Variants in CHN1 observed in about 807,000 individuals in gnomAD.
CHN1 encodes the protein chimerin 1.
A neutral mutation model predicts 59.5 loss-of-function variants in CHN1; 37 were observed. The ratio of observed to expected loss-of-function variants is 0.62; its 90% confidence interval spans 0.48 to 0.82. The LOEUF is 0.82. CHN1 is among the 40% of genes least tolerant of loss of function. The probability of loss-of-function intolerance (pLI) is 0.00; values close to 1 mark genes in which losing one functional copy is unlikely to be tolerated. For missense variants in CHN1, 469 were observed against 571.0 expected (o/e 0.82, Z 1.82); for synonymous variants, 206 against 200.4 (o/e 1.03, Z -0.24).
At chr2:174,952,248 T>A (rs1021635977) in intron 1 of CHN1, 46 bp from the exon 2 acceptor site, 6 of 1,102,790 alleles carry the variant, frequency 5.4e-6, no homozygotes, top group Non-Finnish European at 7.6e-6. Context: ...ATTTAAATTT[T>A]AAATGAGACA....
At position 174,824,525 on chromosome 2, in the gene CHN1, A is replaced by G; in HGVS notation, c.628-7T>C. 6.3e-7 allele frequency: 1 copy of G among 1,583,114 alleles called. No individual in the cohort carries two copies. Among genetic ancestry groups the G allele is most frequent in the Non-Finnish European group, 8.6e-7 (1 of 1,164,774 alleles). On this transcript the variant is annotated splice_polypyrimidine_tract_variant and splice_region_variant and intron_variant, in intron 7 of 12. Coordinates refer to ENST00000409900, the MANE Select transcript of CHN1 (RefSeq NM_001822.7). Reference sequence around the variant, plus strand: ...GCCCTCTGAATGTATGCACCTGAAAAAAAAAAAGAGGGGCAAAGTCAGGAA... The same window carrying G: ...GCCCTCTGAATGTATGCACCTGAAAGAAAAAAAGAGGGGCAAAGTCAGGAA...
At chr2:174,983,837 T>C (rs1691245220) in intron 1 of CHN1, among the ~76,000 whole-genome samples, 1 of 151,778 alleles carries the variant, frequency 6.6e-6, no homozygotes, top group Admixed American at 6.6e-5. Flanking sequence ...TAAAAATAAA[T>C]AAATAAATAA....
At chr2:174,933,550 G>C (rs1274015294) in intron 3 of CHN1, among the ~76,000 whole-genome samples, 2 of 152,122 alleles carry the variant, frequency 1.3e-5, no homozygotes. Context: ...AAGCAGTTCT[G>C]CTTGGAGTGG....
intron 5 of CHN1, among the ~76,000 whole-genome samples, chr2:174,885,469 T>C (rs1687869344): frequency 6.6e-6 from 1 of 152,034 alleles, no homozygotes; most frequent in Non-Finnish European, 1.5e-5. Context: ...CTTTTTCTAT[T>C]GACATTTGGG....
chr2:174,921,933 T>C (rs1003485145), intron 3 of CHN1, among the ~76,000 whole-genome samples: 3 of 152,160 alleles, frequency 2.0e-5, no homozygotes, highest in African/African-American at 7.2e-5. Flanking sequence ...CCAAACCATA[T>C]CATATACTTA....
At chr2:175,004,630 T>C (rs1168226808) in intron 1 of CHN1, among the ~76,000 whole-genome samples, 1 of 152,168 alleles carries the variant, frequency 6.6e-6, no homozygotes, top group East Asian at 1.9e-4. Flanking sequence ...CTTTGTGCGT[T>C]TGCAAAACAC....
intron 3 of CHN1, among the ~76,000 whole-genome samples, chr2:174,939,711 T>G (rs1344317839): frequency 6.6e-6 from 1 of 152,204 alleles, no homozygotes; most frequent in African/African-American, 2.4e-5. Flanking sequence ...AAATAGCATT[T>G]TTAAAATTCC....
intron 1 of CHN1, among the ~76,000 whole-genome samples, chr2:174,963,080 T>C (rs1690469494): frequency 6.6e-6 from 1 of 152,198 alleles, no homozygotes; most frequent in South Asian, 2.1e-4. Context: ...ATATCAGTTA[T>C]GCTGGCACAC....
At chr2:174,832,246 CT>C (rs1195929911) in intron 7 of CHN1, among the ~76,000 whole-genome samples, 1 of 151,978 alleles carries the variant, frequency 6.6e-6, no homozygotes, top group Non-Finnish European at 1.5e-5. Context: ...AGTTAAAACC[CT>C]TTTTAAAATC....
At chr2:174,901,497 G>A (rs990086206) in intron 5 of CHN1, among the ~76,000 whole-genome samples, 5 of 152,148 alleles carry the variant, frequency 3.3e-5, no homozygotes, top group African/African-American at 1.2e-4. Flanking sequence ...TATCTCCCTT[G>A]CTTTCCTTCC....
At chr2:174,947,222 T>C (rs1249555381) in intron 2 of CHN1, among the ~76,000 whole-genome samples, 1 of 152,238 alleles carries the variant, frequency 6.6e-6, no homozygotes, top group South Asian at 2.1e-4. Flanking sequence ...GATGAGCCAC[T>C]ATGAAAAAAA....
At chr2:174,908,507 T>G (rs1688602379) in intron 5 of CHN1, among the ~76,000 whole-genome samples, 1 of 152,150 alleles carries the variant, frequency 6.6e-6, no homozygotes, top group Non-Finnish European at 1.5e-5. Context: ...GCACACTAAG[T>G]GCTAAAATTT....
intron 12 of CHN1, 126 bp from the exon 13 acceptor site, chr2:174,800,413 T>A: frequency 1.6e-6 from 1 of 612,636 alleles, no homozygotes; most frequent in Non-Finnish European, 2.6e-6. Flanking sequence ...TTCCACTAGG[T>A]TATTTCTCTG....
At chr2:174,895,016 G>A (rs1688167791) in intron 5 of CHN1, among the ~76,000 whole-genome samples, 1 of 149,268 alleles carries the variant, frequency 6.7e-6, no homozygotes, top group Non-Finnish European at 1.5e-5. Context: ...ATTATCAGCT[G>A]GAAAAACATA....
At chr2:174,858,734 A>G (rs571470335) in intron 6 of CHN1, among the ~76,000 whole-genome samples, 2 of 152,176 alleles carry the variant, frequency 1.3e-5, no homozygotes, top group South Asian at 4.1e-4. Flanking sequence ...TCTTCATATA[A>G]GAGATAGTCA....
At position 174,977,427 on chromosome 2, in the gene CHN1, A is replaced by G. The variant is rs189194592; in HGVS notation, c.20-25225T>C. Among the ~76,000 whole-genome samples, 425 of 152,380 alleles carry G rather than the reference A, an allele frequency of 2.8e-3. 1 individual carries two copies. Among genetic ancestry groups the G allele is most frequent in the African/African-American group, 9.6e-3 (400 of 41,590 alleles). On this transcript the variant is annotated intron_variant, in intron 1 of 12. Coordinates refer to ENST00000409900, the MANE Select transcript of CHN1 (RefSeq NM_001822.7). ...AATTGCTGTTTGCCAATATGGGCTG[A>G]AAATAAACAATTAAAAGTTTTCAAC...
chr2:174,976,166 T>G (rs1005255453), intron 1 of CHN1, among the ~76,000 whole-genome samples: 1 of 151,294 alleles, frequency 6.6e-6, no homozygotes, highest in African/African-American at 2.4e-5. Context: ...GACTAAGATT[T>G]TGGCTTTCCT....
At chr2:174,833,276 G>A (rs1685942783) in intron 7 of CHN1, among the ~76,000 whole-genome samples, 1 of 152,050 alleles carries the variant, frequency 6.6e-6, no homozygotes, top group Non-Finnish European at 1.5e-5. Flanking sequence ...ATTTTAAACT[G>A]TTATATCTTC....
intron 7 of CHN1, among the ~76,000 whole-genome samples, chr2:174,843,970 TTCTC>T (rs769634310): frequency 5.5e-5 from 7 of 127,072 alleles, no homozygotes; most frequent in African/African-American, 1.8e-4. Flanking sequence ...TTCTCTCTCT[TTCTC>T]TGTGTGTGTG....
Sources: allele counts gnomAD v4.1 joint callset (sites outside exome capture counted in the v4.1 genomes callset), GRCh38; gene constraint gnomAD v4.1.1; transcripts MANE v1.5; gene names NCBI Gene and HGNC (gene_info 2026-07-23, HGNC 2026-07-21).